ANKRD12: variants seen among roughly 807,000 people sequenced by gnomAD.
ANKRD12 encodes the protein ankyrin repeat domain-containing protein 12.
In ANKRD12, 85 loss-of-function variants were observed where a neutral mutation model predicts 183.4. That is an observed-to-expected ratio of 0.46 (90% CI 0.39 to 0.56). The LOEUF (loss-of-function observed/expected upper bound fraction) is 0.56. ANKRD12 is among the 20% of genes least tolerant of loss of function. The pLI is 0.00. For synonymous variants in ANKRD12, 914 were observed against 800.2 expected, an observed-to-expected ratio of 1.14 and a Z score of -2.40; for missense variants, 2,405 against 2,357.1, an observed-to-expected ratio of 1.02 and a Z score of -0.42.
chr18:9,205,382 A>G (rs943909232), intron 4 of ANKRD12, among the ~76,000 whole-genome samples: 1 of 152,130 alleles, frequency 6.6e-6, no homozygotes, highest in African/African-American at 2.4e-5. Context: ...ATTTAGTTAT[A>G]AAAACTAAAG....
intron 1 of ANKRD12, among the ~76,000 whole-genome samples, chr18:9,144,059 A>G (rs1003108991): frequency 3.3e-5 from 5 of 152,206 alleles, no homozygotes; most frequent in South Asian, 2.1e-4. Flanking sequence ...TTCATTTTAC[A>G]TTAGCTAATG....
Position 9,256,512 on chromosome 18 carries a change from G to A in ANKRD12, c.3245G>A (p.Arg1082Gln), listed in dbSNP as rs777873101. ...NDDLMQTSFE[R>Q]MLSLKDLEIE... Reference sequence around the variant, plus strand: ...GATTTAATGCAGACAAGTTTTGAACGAATGCTAAGCCTTAAAGACCTAGAA... The same window carrying A: ...GATTTAATGCAGACAAGTTTTGAACAAATGCTAAGCCTTAAAGACCTAGAA... The change falls in exon 9 of 13, where the codon CGA (arginine) becomes CAA (glutamine). Residue 1082 changes from arginine to glutamine, a missense_variant. Coordinates refer to ENST00000262126, the MANE Select transcript of ANKRD12 (RefSeq NM_015208.5). 1.9e-5 allele frequency: 30 copies of A among 1,610,040 alleles called. No individual in the cohort carries two copies. Among genetic ancestry groups the A allele is most frequent in the Non-Finnish European group, 2.5e-5 (29 of 1,179,026 alleles).
intron 1 of ANKRD12, among the ~76,000 whole-genome samples, chr18:9,160,904 G>T (rs1057297022): frequency 1.3e-5 from 2 of 152,162 alleles, no homozygotes; most frequent in Admixed American, 6.5e-5. Flanking sequence ...CTGTCAGCCT[G>T]TTGCATTTGT....
chr18:9,166,742 T>A (rs1185676704), intron 1 of ANKRD12, among the ~76,000 whole-genome samples: 1 of 152,222 alleles, frequency 6.6e-6, no homozygotes, highest in African/African-American at 2.4e-5. Context: ...TTTGTCAATT[T>A]TGGCTTTTGT....
Position 9,254,618 on chromosome 18 carries a change from A to C in ANKRD12, c.1351A>C (p.Asn451His). Reference sequence around the variant, plus strand: ...ATGTTCCGTCATCCCTGAAACATCAAATTCTGATATGCAAACCAAAAAGGA... The same window carrying C: ...ATGTTCCGTCATCCCTGAAACATCACATTCTGATATGCAAACCAAAAAGGA... ...TSCSVIPETS[N>H]SDMQTKKEYV... The change falls in exon 9 of 13, where the codon AAT becomes CAT. Residue 451 changes from asparagine (N) to histidine (H), a missense_variant. Asn to His is a moderately conservative substitution (Grantham distance 68, BLOSUM62 1). This residue lies in a region of ANKRD12 where 1,983 missense variants were observed against 1,725.9 expected (regional missense o/e 1.15). Transcript: ENST00000262126. The C allele has an allele frequency of 6.3e-7, 1 of 1,586,256 alleles. No individual in the cohort carries two copies.
At chr18:9,275,451 CGA>C in intron 10 of ANKRD12, 71 bp from the exon 11 acceptor site, 1 of 1,402,546 alleles carries the variant, frequency 7.1e-7, no homozygotes, top group South Asian at 1.3e-5. Flanking sequence ...CCAGCCTAGG[CGA>C]GAGAGTAAGA....
chr18:9,237,704 C>T (rs959485458), intron 8 of ANKRD12, among the ~76,000 whole-genome samples: 4 of 152,036 alleles, frequency 2.6e-5, no homozygotes, highest in Non-Finnish European at 5.9e-5. Context: ...TGTATGTTTA[C>T]GTACATGTTT....
At chr18:9,165,414 A>G (rs1248010783) in intron 1 of ANKRD12, among the ~76,000 whole-genome samples, 1 of 152,164 alleles carries the variant, frequency 6.6e-6, no homozygotes, top group Admixed American at 6.6e-5. Context: ...AGCATTAAGT[A>G]CATTCACATT....
At chr18:9,222,570 A>G (rs1282490213) in intron 8 of ANKRD12, among the ~76,000 whole-genome samples, 1 of 151,980 alleles carries the variant, frequency 6.6e-6, no homozygotes, top group Non-Finnish European at 1.5e-5. Flanking sequence ...ACCATATTTC[A>G]GGCAAAATTC....
At chr18:9,228,629 A>C (rs1280745182) in intron 8 of ANKRD12, among the ~76,000 whole-genome samples, 1 of 152,068 alleles carries the variant, frequency 6.6e-6, no homozygotes, top group Admixed American at 6.6e-5. Context: ...AATGTCTTCC[A>C]AGTCCTTTGC....
chr18:9,157,589 A>G (rs1403202520), intron 1 of ANKRD12, among the ~76,000 whole-genome samples: 22 of 105,226 alleles, frequency 2.1e-4, no homozygotes, highest in African/African-American at 1.0e-3. Context: ...GTGTGTGTAT[A>G]TATATATATA....
At position 9,257,276 on chromosome 18, in the gene ANKRD12, A is replaced by T; in HGVS notation, c.4009A>T (p.Thr1337Ser). 6.2e-7 allele frequency: 1 copy of T among 1,614,136 alleles called. No individual in the cohort carries two copies. Among genetic ancestry groups the T allele is most frequent in the South Asian group, 1.1e-5 (1 of 91,080 alleles). Reference protein sequence around the residue: ...SEESNQGSLLTVPGDTSPSPK... With the variant: ...SEESNQGSLLSVPGDTSPSPK... ...AGAGAGCAATCAAGGTAGCTTATTA[A>T]CTGTGCCAGGAGATACTAGTCCTTC... The change falls in exon 9 of 13, where the codon ACT (threonine) becomes TCT (serine). Residue 1337 changes from threonine to serine, a missense_variant. Thr to Ser is a moderately conservative substitution (Grantham distance 58). Coordinates refer to ENST00000262126, the MANE Select transcript of ANKRD12 (RefSeq NM_015208.5).
At chr18:9,168,848 T>G (rs1029038680) in intron 1 of ANKRD12, among the ~76,000 whole-genome samples, 12 of 152,328 alleles carry the variant, frequency 7.9e-5, no homozygotes, top group South Asian at 6.2e-4. Context: ...CTTTCTCTTG[T>G]GGGCATTTAG....
intron 9 of ANKRD12, among the ~76,000 whole-genome samples, chr18:9,262,582 C>T (rs1343431728): frequency 6.6e-6 from 1 of 151,936 alleles, no homozygotes; most frequent in Non-Finnish European, 1.5e-5. Flanking sequence ...ATCTCAGCCT[C>T]CTGAGTTGCT....
chr18:9,230,154 C>T (rs1567942639), intron 8 of ANKRD12, among the ~76,000 whole-genome samples: 5 of 152,178 alleles, frequency 3.3e-5, no homozygotes, highest in African/African-American at 1.2e-4. Context: ...TGTTAGGAGA[C>T]TTTTTATTAC....
rs1308911843 is a variant in ANKRD12 at position 9,285,584 on chromosome 18, C to T, written c.*4458C>T. 1 of 152,028 alleles carries T rather than the reference C, an allele frequency of 6.6e-6. No individual in the cohort carries two copies. The highest frequency in any genetic ancestry group is 1.5e-5 in the Non-Finnish European group (1 of 68,012). 9.4% of individuals were successfully genotyped at this position (152,028 alleles called of 1,614,324 possible). A position where few individuals can be genotyped will look rare whatever the true frequency, so the allele number is the denominator to read the frequency against. ...CTGTATTCAATAAAATTACCCAGAT[C>T]TTAACTAGGCAGTTTGATAAATCCT... On this transcript the variant is annotated 3_prime_UTR_variant, in exon 13 of 13. Transcript: ENST00000262126.
intron 1 of ANKRD12, among the ~76,000 whole-genome samples, chr18:9,164,752 A>G (rs966206898): frequency 6.6e-6 from 1 of 152,164 alleles, no homozygotes; most frequent in Admixed American, 6.6e-5. Context: ...GCTGTGTTCT[A>G]AGAGAGTTTG....
intron 5 of ANKRD12, among the ~76,000 whole-genome samples, chr18:9,210,554 C>G (rs1206109831): frequency 6.6e-6 from 1 of 151,630 alleles, no homozygotes; most frequent in Non-Finnish European, 1.5e-5. Context: ...AACCCTGTCT[C>G]TACTAAAAAA....
chr18:9,150,418 AT>A (rs915697441), intron 1 of ANKRD12, among the ~76,000 whole-genome samples: 1 of 151,870 alleles, frequency 6.6e-6, no homozygotes, highest in Non-Finnish European at 1.5e-5. Context: ...TTTTAAAAGA[AT>A]TTTTTTTGCT....
Sources: allele counts gnomAD v4.1 joint callset (sites outside exome capture counted in the v4.1 genomes callset), GRCh38; gene constraint gnomAD v4.1.1; regional missense constraint gnomAD v4.1.1; transcripts MANE v1.5; gene names NCBI Gene and HGNC (gene_info 2026-07-23, HGNC 2026-07-21).